Variants in MAGI1 observed in about 807,000 individuals in gnomAD.
MAGI1 encodes the protein membrane-associated guanylate kinase, WW and PDZ domain-containing protein 1.
MAGI1 carries 58 observed loss-of-function variants against 139.9 expected under a neutral mutation model. The observed-to-expected ratio is 0.41, with a 90% CI of 0.34 to 0.52. MAGI1 has a LOEUF of 0.52. MAGI1 is among the 20% of genes least tolerant of loss of function. The probability of loss-of-function intolerance (pLI) is 0.12; values close to 1 mark genes in which losing one functional copy is unlikely to be tolerated. For synonymous variants in MAGI1, 812 were observed against 737.9 expected (o/e 1.10, Z -1.63); for missense variants, 1,874 against 1,901.6 (o/e 0.99, Z 0.27).
chr3:65,771,091 G>A (rs1361191910), intron 1 of MAGI1, among the ~76,000 whole-genome samples: 2 of 151,960 alleles, frequency 1.3e-5, no homozygotes, highest in Non-Finnish European at 2.9e-5. Context: ...CAGATCACCT[G>A]AGGCCAGGAG....
chr3:65,737,082 A>G (rs1046593313), intron 1 of MAGI1, among the ~76,000 whole-genome samples: 45 of 151,316 alleles, frequency 3.0e-4, no homozygotes, highest in South Asian at 1.5e-3. Context: ...TCGGCTCACT[A>G]CAAGCTCCAC....
At chr3:65,901,403 G>T (rs558230055) in intron 1 of MAGI1, among the ~76,000 whole-genome samples, 16 of 152,176 alleles carry the variant, frequency 1.1e-4, no homozygotes, top group Non-Finnish European at 1.8e-4. Context: ...AGATATGAGC[G>T]TTGTTTTTAC....
chr3:66,017,147 C>T (rs1032677067), intron 1 of MAGI1, among the ~76,000 whole-genome samples: 1 of 152,092 alleles, frequency 6.6e-6, no homozygotes, highest in Non-Finnish European at 1.5e-5. Flanking sequence ...TATATTTTAC[C>T]ACAATTTTGT....
intron 1 of MAGI1, among the ~76,000 whole-genome samples, chr3:65,905,306 C>T (rs2061392738): frequency 6.6e-6 from 1 of 152,140 alleles, no homozygotes; most frequent in Admixed American, 6.5e-5. Flanking sequence ...GCACACCCTA[C>T]AAAATACAAG....
chr3:65,364,929 A>G lies in MAGI1; in HGVS notation c.3214T>C (p.Leu1072=). ...IPGDESSNAT[L]LTNAEKIATI... ...GCAATCTTCTCTGCATTGGTCAGCA[A>G]GGTGGCATTCGAGGACTCTGCAAAG... The change falls in exon 19 of 23, where the codon TTG becomes CTG. Residue 1072 remains leucine, a synonymous_variant. Transcript: ENST00000402939. 28 of 1,613,928 alleles carry G rather than the reference A, an allele frequency of 1.7e-5. No individual in the cohort carries two copies. The highest frequency in any genetic ancestry group is 2.3e-5 in the Non-Finnish European group (27 of 1,179,898).
chr3:65,564,719 C>T (rs1220525821), intron 2 of MAGI1, among the ~76,000 whole-genome samples: 2 of 152,214 alleles, frequency 1.3e-5, no homozygotes, highest in Non-Finnish European at 2.9e-5. Flanking sequence ...GATGTCCTAA[C>T]AGTACTCTAA....
chr3:65,961,395 A>G (rs891388498), intron 1 of MAGI1, among the ~76,000 whole-genome samples: 1 of 152,200 alleles, frequency 6.6e-6, no homozygotes, highest in African/African-American at 2.4e-5. Flanking sequence ...TTTCAACTCC[A>G]GTTCCTTATG....
At chr3:65,973,134 G>A (rs1369720188) in intron 1 of MAGI1, among the ~76,000 whole-genome samples, 1 of 152,052 alleles carries the variant, frequency 6.6e-6, no homozygotes, top group Non-Finnish European at 1.5e-5. Flanking sequence ...GGGTGACACA[G>A]TGAGACCCTG....
intron 1 of MAGI1, among the ~76,000 whole-genome samples, chr3:65,653,350 A>G (rs2085693324): frequency 6.6e-6 from 1 of 152,160 alleles, no homozygotes; most frequent in Admixed American, 6.5e-5. Context: ...CTTCCACCAG[A>G]CATAAAGCAA....
intron 1 of MAGI1, among the ~76,000 whole-genome samples, chr3:65,768,222 C>T (rs1174145341): frequency 6.6e-6 from 1 of 152,140 alleles, no homozygotes; most frequent in African/African-American, 2.4e-5. Flanking sequence ...GAGTTCTAGA[C>T]CAGCCTGGCC....
At chr3:65,463,812 T>C (rs892144278) in intron 5 of MAGI1, among the ~76,000 whole-genome samples, 1 of 152,162 alleles carries the variant, frequency 6.6e-6, no homozygotes, top group Admixed American at 6.5e-5. Flanking sequence ...GAACTTGTTA[T>C]TGGTCTATTC....
At chr3:65,888,651 T>C (rs1431520655) in intron 1 of MAGI1, among the ~76,000 whole-genome samples, 1 of 151,682 alleles carries the variant, frequency 6.6e-6, no homozygotes, top group Non-Finnish European at 1.5e-5. Flanking sequence ...TACATACACA[T>C]TTAAGAATCT....
chr3:65,538,713 T>A (rs2079069713), intron 2 of MAGI1, among the ~76,000 whole-genome samples: 1 of 152,078 alleles, frequency 6.6e-6, no homozygotes, highest in African/African-American at 2.4e-5. Flanking sequence ...AACATTAATA[T>A]CCACACCAGA....
In MAGI1 at chr3:65,673,812, A is replaced by G. The variant is rs562294638; in HGVS notation, c.314-51724T>C. Among the ~76,000 whole-genome samples, 19 of 152,378 alleles carry G rather than the reference A, an allele frequency of 1.2e-4. No homozygotes were observed. In the South Asian group the frequency reaches 3.5e-3, roughly 28 times the overall value. On this transcript the variant is annotated intron_variant, in intron 1 of 22. Coordinates refer to ENST00000402939, the MANE Select transcript of MAGI1 (RefSeq NM_001033057.2). ...TTGTATGTCTAGTTCAATAAATATT[A>G]TAAATAGGCGTTTCCTATTTCACCT...
intron 2 of MAGI1, among the ~76,000 whole-genome samples, chr3:65,588,756 C>G (rs1304067871): frequency 6.6e-6 from 1 of 151,968 alleles, no homozygotes; most frequent in Non-Finnish European, 1.5e-5. Context: ...ATTATTGTAC[C>G]CTTGGTACCT....
At chr3:65,539,686 C>T (rs761989111) in intron 2 of MAGI1, among the ~76,000 whole-genome samples, 1 of 152,190 alleles carries the variant, frequency 6.6e-6, no homozygotes, top group South Asian at 2.1e-4. Context: ...CCTGGGCACT[C>T]TAGCAGACTG....
At position 65,442,774 on chromosome 3, in the gene MAGI1, T is replaced by C. The variant is rs748769370; in HGVS notation, c.1136+18A>G. ...AGAGAGGTATAAACTAATGTGTGGA[T>C]TGTGAATGGGCACTTACTCTACATA... On this transcript the variant is annotated intron_variant, in intron 8 of 22. Coordinates refer to ENST00000402939, the MANE Select transcript of MAGI1 (RefSeq NM_001033057.2). The C allele has an allele frequency of 5.0e-6, 8 of 1,598,936 alleles. No individual in the cohort carries two copies. The highest frequency in any genetic ancestry group is 6.9e-6 in the Non-Finnish European group (8 of 1,167,002).
chr3:65,763,752 TAA>T (rs36104465), intron 1 of MAGI1, among the ~76,000 whole-genome samples: 1 of 143,474 alleles, frequency 7.0e-6, no homozygotes. Context: ...CAAGTGCTTT[TAA>T]AAAAAAAAAA....
intron 1 of MAGI1, chr3:65,687,444 C>A: frequency 2.6e-6 from 1 of 385,672 alleles, no homozygotes; most frequent in East Asian, 6.4e-5. Context: ...AAGCCAACAC[C>A]TGATGCAACT....
Sources: gnomAD v4.1 joint callset for allele counts (sites outside exome capture counted in the v4.1 genomes callset) on GRCh38, gnomAD v4.1.1 for gene constraint, MANE v1.5 for transcripts, NCBI Gene and HGNC (gene_info 2026-07-23, HGNC 2026-07-21) for gene names.